The following UBP1 variants were observed in gnomAD, a reference collection of about 807,000 sequenced individuals.
UBP1 encodes the protein upstream binding protein 1.
In UBP1, 22 loss-of-function variants were observed where a neutral mutation model predicts 76.1. That is an observed-to-expected ratio of 0.29 (90% CI 0.21 to 0.41). UBP1 has a LOEUF of 0.41. UBP1 is among the 10% of genes least tolerant of loss of function. The pLI is 1.00. For synonymous variants in UBP1, 224 were observed against 237.1 expected, an observed-to-expected ratio of 0.94 and a Z score of 0.51; for missense variants, 436 against 668.1, an observed-to-expected ratio of 0.65 and a Z score of 3.83.
intron 13 of UBP1, among the ~76,000 whole-genome samples, chr3:33,393,818 T>G (rs2043862202): frequency 6.6e-6 from 1 of 152,212 alleles, no homozygotes; most frequent in Non-Finnish European, 1.5e-5. Context: ...ATGGGGGATC[T>G]TCTTGAAATA....
chr3:33,436,651 G>A (rs2045209313), intron 1 of UBP1, among the ~76,000 whole-genome samples: 1 of 152,148 alleles, frequency 6.6e-6, no homozygotes, highest in Non-Finnish European at 1.5e-5. Context: ...CTTGGCTACA[G>A]ATGATAAATT....
At position 33,408,670 on chromosome 3, in the gene UBP1, G is replaced by A. The variant is rs2044495411; in HGVS notation, c.927+20C>T. The A allele has an allele frequency of 3.8e-6, 6 of 1,598,416 alleles. No homozygotes were observed. The highest frequency in any genetic ancestry group is 5.1e-6 in the Non-Finnish European group (6 of 1,172,752). On this transcript the variant is annotated intron_variant, in intron 8 of 15. Coordinates refer to ENST00000283629, the MANE Select transcript of UBP1 (RefSeq NM_014517.5). ...CACAAGGTTTCTTGCACAATGAAAA[G>A]AGAAGCAGAAGTCCCTTACACTGCC...
At chr3:33,416,643 ATAAAGT>A in intron 3 of UBP1, 109 bp downstream of exon 3, 1 of 777,510 alleles carries the variant, frequency 1.3e-6, no homozygotes, top group South Asian at 2.3e-5. Context: ...AATATAGCTC[ATAAAGT>A]TAAAAAGTTG....
At chr3:33,399,527 T>C (rs1348324435) in intron 11 of UBP1, among the ~76,000 whole-genome samples, 1 of 152,224 alleles carries the variant, frequency 6.6e-6, no homozygotes, top group East Asian at 1.9e-4. Context: ...GTGGCCGTTA[T>C]GCTAGTGAAA....
intron 3 of UBP1, among the ~76,000 whole-genome samples, chr3:33,413,546 C>CAAA (rs926941278): frequency 2.9e-4 from 16 of 55,370 alleles, no homozygotes; most frequent in Middle Eastern, 9.6e-3. Context: ...GACTCCATCA[C>CAAA]AAAAAAAAAA....
chr3:33,439,666 C>A, intron 1 of UBP1, 70 bp downstream of exon 1: 1 of 1,532,532 alleles, frequency 6.5e-7, no homozygotes, highest in Non-Finnish European at 8.9e-7. Flanking sequence ...CCGCATCTGG[C>A]AGAGACTCAG....
intron 9 of UBP1, among the ~76,000 whole-genome samples, chr3:33,401,629 T>C (rs1010188942): frequency 1.3e-5 from 2 of 152,224 alleles, no homozygotes; most frequent in Admixed American, 1.3e-4. Context: ...TTAGCCCCCG[T>C]GCCTCAATTG....
chr3:33,395,357 T>C (rs1368018680), intron 13 of UBP1, among the ~76,000 whole-genome samples: 1 of 152,092 alleles, frequency 6.6e-6, no homozygotes, highest in Non-Finnish European at 1.5e-5. Flanking sequence ...TCTGAGCATG[T>C]TGCCTTTGTT....
intron 13 of UBP1, among the ~76,000 whole-genome samples, chr3:33,395,378 G>A (rs1161837499): frequency 6.6e-6 from 1 of 151,588 alleles, no homozygotes; most frequent in African/African-American, 2.4e-5. Flanking sequence ...CTACTTCAGA[G>A]TATGGAAAGA....
intron 8 of UBP1, among the ~76,000 whole-genome samples, chr3:33,404,916 G>A (rs977832978): frequency 2.6e-5 from 4 of 152,048 alleles, no homozygotes; most frequent in African/African-American, 9.7e-5. Context: ...ATTCTATCCT[G>A]TCTCATCATT....
intron 1 of UBP1, among the ~76,000 whole-genome samples, chr3:33,426,006 T>C (rs1457870719): frequency 3.9e-5 from 3 of 76,384 alleles, no homozygotes; most frequent in African/African-American, 1.6e-4. Flanking sequence ...AATATATATA[T>C]ATATATATAT....
chr3:33,393,797 T>C (rs964209460), intron 13 of UBP1, among the ~76,000 whole-genome samples: 2 of 152,166 alleles, frequency 1.3e-5, no homozygotes, highest in Non-Finnish European at 2.9e-5. Context: ...AGGAATTGGC[T>C]GCAAATGGAC....
At chr3:33,412,305 A>G (rs1490143880) in intron 4 of UBP1, among the ~76,000 whole-genome samples, 1 of 151,900 alleles carries the variant, frequency 6.6e-6, no homozygotes. Flanking sequence ...CTATAAAACA[A>G]CTCTCTCGGT....
chr3:33,409,144 T>C, intron 7 of UBP1, 92 bp downstream of exon 7: 1 of 1,262,564 alleles, frequency 7.9e-7, no homozygotes. Flanking sequence ...CACCCAATCT[T>C]CCCCAACCCT....
chr3:33,429,588 T>TA (rs914551784), intron 1 of UBP1, among the ~76,000 whole-genome samples: 18 of 152,104 alleles, frequency 1.2e-4, no homozygotes, highest in African/African-American at 4.3e-4. Flanking sequence ...CTCGGCCTCC[T>TA]AAAGTGCTGG....
chr3:33,433,277 T>A (rs1163683561), intron 1 of UBP1, among the ~76,000 whole-genome samples: 1 of 141,186 alleles, frequency 7.1e-6, no homozygotes, highest in Admixed American at 7.3e-5. Context: ...GCCAGGCTGG[T>A]CACGAACTCC....
chr3:33,411,770 G>T, intron 4 of UBP1, 83 bp from the exon 5 acceptor site: 1 of 1,110,042 alleles, frequency 9.0e-7, no homozygotes, highest in Non-Finnish European at 1.4e-6. Flanking sequence ...ATGTTCTAAT[G>T]AAATAACTGT....
At chr3:33,401,527 C>CCACT (rs1330973086) in intron 9 of UBP1, among the ~76,000 whole-genome samples, 2 of 152,138 alleles carry the variant, frequency 1.3e-5, no homozygotes, top group Middle Eastern at 3.2e-3. Flanking sequence ...TTAACTTGTA[C>CCACT]CACTATCCTT....
At chr3:33,441,077 T>G (rs894841443), upstream of UBP1, among the ~76,000 whole-genome samples, 2 of 152,242 alleles carry the variant, frequency 1.3e-5, no homozygotes, top group Admixed American at 6.5e-5. Flanking sequence ...CTGTTGGTCA[T>G]CCTAAGGGCA....
Sources: allele counts gnomAD v4.1 joint callset (sites outside exome capture counted in the v4.1 genomes callset), GRCh38; gene constraint gnomAD v4.1.1; transcripts MANE v1.5; gene names NCBI Gene and HGNC (gene_info 2026-07-23, HGNC 2026-07-21).